The following TNRC6C variants were observed in gnomAD, a reference collection of about 807,000 sequenced individuals.
TNRC6C encodes trinucleotide repeat containing adaptor 6C.
Under a neutral mutation model 153.7 loss-of-function variants are expected in TNRC6C, and 20 were observed. The observed-to-expected ratio is 0.13, with a 90% CI of 0.09 to 0.19. TNRC6C has a LOEUF of 0.19. Among genes scored for constraint, TNRC6C ranks in the 10% least tolerant of loss-of-function variants. The probability of loss-of-function intolerance (pLI) is 1.00; values close to 1 mark genes in which losing one functional copy is unlikely to be tolerated. For synonymous variants in TNRC6C, 811 were observed against 841.4 expected (o/e 0.96, Z 0.63); for missense variants, 1,987 against 2,172.0 (o/e 0.91, Z 1.69).
chr17:78,047,734 A>G (rs1270167208), intron 2 of TNRC6C, among the ~76,000 whole-genome samples: 1 of 152,220 alleles, frequency 6.6e-6, no homozygotes, highest in Non-Finnish European at 1.5e-5. Flanking sequence ...TGTAGTATTT[A>G]GAGAAACTCA....
chr17:78,049,012 T>C lies in TNRC6C; in HGVS notation c.-51T>C. 7.0e-7 allele frequency: 1 copy of C among 1,434,660 alleles called. No homozygotes were observed. The highest frequency in any genetic ancestry group is 9.2e-7 in the Non-Finnish European group (1 of 1,092,726). 88.9% of individuals were successfully genotyped at this position (1,434,660 alleles called of 1,614,324 possible). ...AACAGAGACTGAATCTGCCTCAGAA[T>C]GTACTACAGACACTGACTCTGCCTC... On this transcript the variant is annotated 5_prime_UTR_variant, in exon 3 of 20. Coordinates refer to ENST00000301624, the Ensembl canonical transcript of TNRC6C. The surrounding 1 kb of genome is among the most constrained non-coding windows in gnomAD (Gnocchi z 4.1).
At chr17:78,020,064 T>C (rs1008650981) in intron 1 of TNRC6C, among the ~76,000 whole-genome samples, 1 of 152,208 alleles carries the variant, frequency 6.6e-6, no homozygotes, top group African/African-American at 2.4e-5. Flanking sequence ...ATCCAAAAAT[T>C]ACTGGCTTAA....
chr17:78,036,741 T>C (rs111794537), intron 2 of TNRC6C, among the ~76,000 whole-genome samples: 3,367 of 151,970 alleles, frequency 0.022, 129 homozygotes, highest in African/African-American at 0.077. Context: ...CTGGCCAACA[T>C]AGCGAAACCC....
chr17:78,106,522 TAAAAA>T (rs113939739), exon 20 of TNRC6C: 4 of 92,622 alleles, frequency 4.3e-5, no homozygotes, highest in Admixed American at 2.4e-4. Context: ...AGATGTTATT[TAAAAA>T]AAAAAAAAAC....
chr17:78,050,437 G>T, exon 3 of TNRC6C: 2 of 1,614,038 alleles, frequency 1.2e-6, no homozygotes, highest in Non-Finnish European at 1.7e-6. Context: ...GCAAAACACT[G>T]CCTGGGAATT....
intron 1 of TNRC6C, 64 bp from the exon 4 acceptor site, chr17:78,031,452 T>C (rs1294267569): frequency 6.8e-6 from 8 of 1,177,078 alleles, no homozygotes; most frequent in Non-Finnish European, 8.5e-6. Context: ...TTTCCTTGGT[T>C]TGGGTTGGGT....
chr17:78,094,232 G>A (rs1011778785), intron 16 of TNRC6C, among the ~76,000 whole-genome samples: 12 of 151,550 alleles, frequency 7.9e-5, no homozygotes, highest in African/African-American at 2.9e-4. Flanking sequence ...CGCCCATGCT[G>A]CTGGATTTAT....
chr17:77,982,010 G>T (rs28569082), intron 1 of TNRC6C, among the ~76,000 whole-genome samples: 1,737 of 152,212 alleles, frequency 0.011, 39 homozygotes, highest in African/African-American at 0.038. Flanking sequence ...TATTTAGTTC[G>T]TGAAGGTGGA....
intron 1 of TNRC6C, among the ~76,000 whole-genome samples, chr17:77,989,786 C>T (rs17551788): frequency 0.028 from 4,281 of 152,220 alleles, 86 homozygotes; most frequent in South Asian, 0.056. Flanking sequence ...AGTGAATCAT[C>T]CCCTTGGGCG....
chr17:78,075,183 G>A lies in TNRC6C; in HGVS notation c.2965G>A (p.Val989Met). The A allele has an allele frequency of 6.2e-7, 1 of 1,612,034 alleles. No individual in the cohort carries two copies. Among genetic ancestry groups the A allele is most frequent in the Non-Finnish European group, 8.5e-7 (1 of 1,179,052 alleles). The change falls in exon 8 of 20, where the codon GTG becomes ATG. Residue 989 changes from valine to methionine, a missense_variant. Transcript: ENST00000301624. The surrounding 1 kb of genome is among the most constrained non-coding windows in gnomAD (Gnocchi z 4.2). ...GGACGTGGACAAGCGTGGGCTGGGA[G>A]TGACCGACCATAATGGAATGGCCGC... is the stretch of plus-strand genomic sequence containing the variant.
At chr17:78,048,355 C>A (rs184336253) in intron 2 of TNRC6C, among the ~76,000 whole-genome samples, 1 of 152,272 alleles carries the variant, frequency 6.6e-6, no homozygotes, top group East Asian at 1.9e-4. Context: ...TGTTATGATT[C>A]TGCAATGCAA....
intron 14 of TNRC6C, among the ~76,000 whole-genome samples, chr17:78,092,135 T>C (rs186972788): frequency 2.0e-5 from 3 of 152,280 alleles, no homozygotes; most frequent in Admixed American, 6.5e-5. Flanking sequence ...GGAGGTAATC[T>C]CACTCTCAAG....
chr17:78,094,335 GTACTA>G (rs1238059337), intron 16 of TNRC6C, among the ~76,000 whole-genome samples: 5 of 151,894 alleles, frequency 3.3e-5, no homozygotes, highest in African/African-American at 1.2e-4. Flanking sequence ...ATTGCCATAG[GTACTA>G]TCACTAATAA....
intron 3 of TNRC6C, among the ~76,000 whole-genome samples, chr17:78,059,682 C>G (rs968753858): frequency 1.3e-5 from 2 of 151,868 alleles, no homozygotes; most frequent in Non-Finnish European, 2.9e-5. Context: ...ACCCACGTCT[C>G]TACAAAAAAT....
chr17:77,963,533 A>C (rs1440093360), intron 1 of TNRC6C, among the ~76,000 whole-genome samples: 1 of 152,248 alleles, frequency 6.6e-6, no homozygotes, highest in Non-Finnish European at 1.5e-5. Flanking sequence ...AGAATGAAGA[A>C]GCTATTGCAG....
At chr17:78,054,447 G>C (rs1567940885) in intron 3 of TNRC6C, among the ~76,000 whole-genome samples, 1 of 151,336 alleles carries the variant, frequency 6.6e-6, no homozygotes, top group African/African-American at 2.4e-5. Context: ...AACCACTGCA[G>C]ACTACTGTAT....
chr17:78,034,228 T>C (rs555422431), intron 2 of TNRC6C, among the ~76,000 whole-genome samples: 3 of 152,258 alleles, frequency 2.0e-5, no homozygotes, highest in Admixed American at 2.0e-4. Flanking sequence ...TGACTAATTT[T>C]GTATTTTTAG....
At chr17:78,037,896 A>C (rs2072211055) in intron 2 of TNRC6C, among the ~76,000 whole-genome samples, 1 of 152,192 alleles carries the variant, frequency 6.6e-6, no homozygotes, top group Non-Finnish European at 1.5e-5. Flanking sequence ...TATCACTTTG[A>C]GCTGTGATCC....
upstream of TNRC6C, among the ~76,000 whole-genome samples, chr17:78,001,917 C>T (rs1291266527): frequency 6.6e-6 from 1 of 152,026 alleles, no homozygotes; most frequent in Non-Finnish European, 1.5e-5. Flanking sequence ...GTATGTTGAT[C>T]ATGTATATTT....
Sources: allele counts gnomAD v4.1 joint callset (sites outside exome capture counted in the v4.1 genomes callset), GRCh38; gene constraint gnomAD v4.1.1; non-coding constraint Gnocchi (gnomAD v3.1); transcripts MANE v1.5; gene names NCBI Gene and HGNC (gene_info 2026-07-23, HGNC 2026-07-21).